The following SNTB1 variants were observed in gnomAD, a reference collection of about 807,000 sequenced individuals.
SNTB1 encodes the protein beta-1-syntrophin.
A neutral mutation model predicts 48.9 loss-of-function variants in SNTB1; 36 were observed. That is an observed-to-expected ratio of 0.74 (90% CI 0.56 to 0.97). SNTB1 has a LOEUF of 0.97. Ranked by LOEUF, SNTB1 falls within the 50% of genes least tolerant of loss-of-function variation. SNTB1 has a pLI of 0.00. For missense variants in SNTB1, 786 were observed against 703.4 expected, an observed-to-expected ratio of 1.12 and a Z score of -1.33; for synonymous variants, 299 against 294.6, an observed-to-expected ratio of 1.01 and a Z score of -0.15.
intron 1 of SNTB1, among the ~76,000 whole-genome samples, chr8:120,745,837 C>T (rs1222004507): frequency 1.3e-5 from 2 of 152,100 alleles, no homozygotes. Context: ...CCACTGCCCC[C>T]GTATCTTTAC....
intron 4 of SNTB1, chr8:120,570,336 A>G (rs1171546680): frequency 6.6e-6 from 1 of 152,182 alleles, no homozygotes; most frequent in African/African-American, 2.4e-5. Context: ...TTTGACACCA[A>G]ATATAAAAAT....
At position 120,551,356 on chromosome 8, in the gene SNTB1, G is replaced by C. The variant is rs533300888; in HGVS notation, c.1137-2398C>G. Reference sequence around the variant, plus strand: ...ATCCAGAAATTAAATAGCTCACCCTGCCTTTTTAAAATTTTAACATCTGTA... The same window carrying C: ...ATCCAGAAATTAAATAGCTCACCCTCCCTTTTTAAAATTTTAACATCTGTA... On this transcript the variant is annotated intron_variant, in intron 4 of 6. Coordinates refer to ENST00000517992, the MANE Select transcript of SNTB1 (RefSeq NM_021021.4). Among the ~76,000 whole-genome samples, 81 of 152,084 alleles carry C rather than the reference G, an allele frequency of 5.3e-4. 1 individual carries two copies. The highest frequency in any genetic ancestry group is 1.9e-3 in the African/African-American group (80 of 41,488).
intron 1 of SNTB1, among the ~76,000 whole-genome samples, chr8:120,755,404 G>A (rs1047425519): frequency 7.9e-5 from 12 of 152,068 alleles, no homozygotes; most frequent in African/African-American, 2.9e-4. Flanking sequence ...GGAGGAGGGT[G>A]TGCCATGGGC....
intron 5 of SNTB1, among the ~76,000 whole-genome samples, chr8:120,547,080 T>G (rs1474234190): frequency 6.6e-6 from 1 of 151,832 alleles, no homozygotes; most frequent in Non-Finnish European, 1.5e-5. Context: ...TTGACCTTTT[T>G]TGAGAATTTG....
At chr8:120,594,599 C>T (rs942061736) in intron 3 of SNTB1, among the ~76,000 whole-genome samples, 1 of 152,114 alleles carries the variant, frequency 6.6e-6, no homozygotes. Flanking sequence ...GTCTGGAATT[C>T]CTGGCCTCAA....
intron 5 of SNTB1, among the ~76,000 whole-genome samples, 166 bp downstream of exon 5, chr8:120,548,596 A>C (rs1299630762): frequency 6.6e-6 from 1 of 152,162 alleles, no homozygotes; most frequent in Non-Finnish European, 1.5e-5. Context: ...CTTAGGTTAC[A>C]TTTTAGTAGG....
chr8:120,640,001 T>G (rs1817162096), intron 2 of SNTB1, among the ~76,000 whole-genome samples: 1 of 152,004 alleles, frequency 6.6e-6, no homozygotes, highest in African/African-American at 2.4e-5. Flanking sequence ...TGATTCTTCC[T>G]ATCCATGAGC....
intron 3 of SNTB1, among the ~76,000 whole-genome samples, chr8:120,605,257 T>G (rs1191408891): frequency 6.6e-6 from 1 of 152,224 alleles, no homozygotes; most frequent in African/African-American, 2.4e-5. Flanking sequence ...AGTGCATCAA[T>G]GCACAGGACA....
chr8:120,642,501 C>A (rs1817213178), intron 2 of SNTB1, among the ~76,000 whole-genome samples: 1 of 152,192 alleles, frequency 6.6e-6, no homozygotes, highest in Non-Finnish European at 1.5e-5. Flanking sequence ...TAAGCTGGAG[C>A]CCCTAAGGAG....
intron 1 of SNTB1, among the ~76,000 whole-genome samples, chr8:120,791,322 T>C (rs997949611): frequency 2.0e-5 from 3 of 152,014 alleles, no homozygotes; most frequent in Non-Finnish European, 2.9e-5. Context: ...GACTTCAATC[T>C]AAGGCCTGAA....
intron 2 of SNTB1, among the ~76,000 whole-genome samples, chr8:120,650,719 T>C (rs1817399325): frequency 6.6e-6 from 1 of 152,212 alleles, no homozygotes; most frequent in African/African-American, 2.4e-5. Context: ...TTATTTGACC[T>C]CATTTTACCA....
At chr8:120,619,306 T>TAG (rs1816758561) in intron 3 of SNTB1, among the ~76,000 whole-genome samples, 1 of 147,632 alleles carries the variant, frequency 6.8e-6, no homozygotes, top group Middle Eastern at 3.6e-3. Context: ...TACATATATA[T>TAG]ATATAGAGAG....
At chr8:120,658,683 C>T (rs1315318108) in intron 2 of SNTB1, among the ~76,000 whole-genome samples, 1 of 152,156 alleles carries the variant, frequency 6.6e-6, no homozygotes, top group Non-Finnish European at 1.5e-5. Context: ...GAGCCTTGAG[C>T]GAGTTGTAAT....
intron 3 of SNTB1, among the ~76,000 whole-genome samples, chr8:120,614,725 C>A (rs981904033): frequency 6.6e-6 from 1 of 152,002 alleles, no homozygotes; most frequent in Non-Finnish European, 1.5e-5. Context: ...TTTCACAGTT[C>A]GTAAAGCACC....
At chr8:120,630,162 C>A (rs991675432) in intron 3 of SNTB1, among the ~76,000 whole-genome samples, 3 of 152,338 alleles carry the variant, frequency 2.0e-5, no homozygotes, top group Admixed American at 2.0e-4. Context: ...TCTACCTTTC[C>A]CATCCTTCTC....
intron 2 of SNTB1, among the ~76,000 whole-genome samples, chr8:120,668,420 T>C (rs183356770): frequency 1.3e-5 from 2 of 152,370 alleles, no homozygotes; most frequent in East Asian, 1.9e-4. Context: ...TCTTCTACCA[T>C]GCTTTTTCAG....
chr8:120,632,396 G>T, intron 3 of SNTB1, 48 bp downstream of exon 3: 2 of 1,537,444 alleles, frequency 1.3e-6, no homozygotes, highest in Non-Finnish European at 8.9e-7. Flanking sequence ...TGAGCGCTGG[G>T]GGAATCTCGG....
intron 3 of SNTB1, among the ~76,000 whole-genome samples, chr8:120,594,835 T>G (rs1261607604): frequency 6.6e-6 from 1 of 152,086 alleles, no homozygotes; most frequent in African/African-American, 2.4e-5. Context: ...ATGGGAATAC[T>G]GTTTGATAGG....
chr8:120,646,660 C>G (rs1049700386), intron 2 of SNTB1, among the ~76,000 whole-genome samples: 1 of 151,842 alleles, frequency 6.6e-6, no homozygotes, highest in Non-Finnish European at 1.5e-5. Flanking sequence ...GCTTTGGTAT[C>G]AGAATGATGC....
Sources: allele counts gnomAD v4.1 joint callset (sites outside exome capture counted in the v4.1 genomes callset), GRCh38; gene constraint gnomAD v4.1.1; transcripts MANE v1.5; gene names NCBI Gene and HGNC (gene_info 2026-07-23, HGNC 2026-07-21).